MICAL3: variants seen among roughly 807,000 people sequenced by gnomAD.
MICAL3 encodes the protein [F-actin]-monooxygenase MICAL3.
In MICAL3, 62 loss-of-function variants were observed where a neutral mutation model predicts 207.4. That is an observed-to-expected ratio of 0.30 (90% CI 0.24 to 0.37). The LOEUF (loss-of-function observed/expected upper bound fraction) is 0.37, where lower values mean the gene tolerates loss of function less well. MICAL3 is among the 10% of genes least tolerant of loss of function. The pLI is 1.00. For missense variants in MICAL3, 2,368 were observed against 2,635.6 expected, an observed-to-expected ratio of 0.90 and a Z score of 2.22; for synonymous variants, 1,077 against 1,069.3, an observed-to-expected ratio of 1.01 and a Z score of -0.14.
chr22:17,917,471 C>T lies in MICAL3; in HGVS notation c.-74-10585G>A, dbSNP rs77572846. Among the ~76,000 whole-genome samples, 22 of 152,354 alleles carry T rather than the reference C, an allele frequency of 1.4e-4. No homozygotes were observed. In the East Asian group the frequency reaches 3.3e-3, roughly 23 times the overall value. ...AATACAGCCAAATCCAACCACTTCTCACCATGTCTTCTCTATCATCCTCAT... is the reference window on the plus strand; with the variant it reads ...AATACAGCCAAATCCAACCACTTCTTACCATGTCTTCTCTATCATCCTCAT... On this transcript the variant is annotated intron_variant, in intron 1 of 31. Transcript: ENST00000441493.
In MICAL3 at chr22:17,861,401, C is replaced by T. The variant is rs1467565358; in HGVS notation, c.2605+3498G>A. On this transcript the variant is annotated intron_variant, in intron 19 of 31. Transcript: ENST00000441493. The stretch of plus-strand genomic sequence containing the variant: ...ATGACAGGAAACTAACGTGCTTCTC[C>T]CCGTCCATCTCTGGCCGGTAATGAA... The T allele has an allele frequency of 1.3e-5, 13 of 985,338 alleles. No individual in the cohort carries two copies. The African/African-American group carries it at 2.1e-4, about 16-fold the overall frequency. 61.0% of individuals were successfully genotyped at this position (985,338 alleles called of 1,614,324 possible).
At chr22:17,917,815 G>C (rs1000069258) in intron 1 of MICAL3, among the ~76,000 whole-genome samples, 2 of 152,192 alleles carry the variant, frequency 1.3e-5, no homozygotes, top group African/African-American at 4.8e-5. Context: ...CACACCCAGG[G>C]AAGAAGGCCC....
chr22:18,022,039 G>A (rs1924513371), intron 1 of MICAL3, among the ~76,000 whole-genome samples: 1 of 152,170 alleles, frequency 6.6e-6, no homozygotes, highest in Non-Finnish European at 1.5e-5. Flanking sequence ...TCTAGTTTAT[G>A]TAAAATTTTA....
At position 17,942,527 on chromosome 22, in the gene MICAL3, A is replaced by G. The variant is rs1293439820; in HGVS notation, c.-74-35641T>C. ...ATGGGCATGAAGTGGCAATGATCAT[A>G]TGTAAAATCTAAGGAGAGTGGCTTT... On this transcript the variant is annotated intron_variant, in intron 1 of 31. Coordinates refer to ENST00000441493, the MANE Select transcript of MICAL3 (RefSeq NM_015241.3). Among the ~76,000 whole-genome samples the G allele has an allele frequency of 3.3e-5, 5 of 152,326 alleles. 1 individual carries two copies. Among genetic ancestry groups the G allele is most frequent in the Admixed American group, 2.0e-4 (3 of 15,306 alleles).
At chr22:17,798,626 AAATAATAAC>A (rs1231654056) in intron 29 of MICAL3, among the ~76,000 whole-genome samples, 1 of 152,026 alleles carries the variant, frequency 6.6e-6, no homozygotes, top group Non-Finnish European at 1.5e-5. Flanking sequence ...GTACCACTAT[AAATAATAAC>A]ATAAATATTA....
chr22:17,839,370 C>T (rs1392743086), intron 20 of MICAL3, among the ~76,000 whole-genome samples: 4 of 149,088 alleles, frequency 2.7e-5, no homozygotes, highest in African/African-American at 1.0e-4. Context: ...GATTCTCCTG[C>T]CTCAGCCTCC....
At chr22:17,800,499 A>T (rs938657762) in intron 29 of MICAL3, among the ~76,000 whole-genome samples, 11 of 152,194 alleles carry the variant, frequency 7.2e-5, no homozygotes, top group African/African-American at 2.7e-4. Flanking sequence ...TATGTGAGGA[A>T]GGGAAATCTT....
intron 1 of MICAL3, among the ~76,000 whole-genome samples, chr22:17,954,056 A>C (rs1374013013): frequency 1.3e-5 from 2 of 151,846 alleles, no homozygotes; most frequent in Admixed American, 6.6e-5. Context: ...TATGAAATAT[A>C]TGAGGTGAGA....
chr22:17,942,781 G>A (rs1022289472), intron 1 of MICAL3, among the ~76,000 whole-genome samples: 2 of 152,228 alleles, frequency 1.3e-5, no homozygotes, highest in African/African-American at 4.8e-5. Context: ...AGTTCAACCA[G>A]GGCAGTCCCA....
At chr22:17,927,608 C>T (rs745515061) in intron 1 of MICAL3, among the ~76,000 whole-genome samples, 2 of 152,204 alleles carry the variant, frequency 1.3e-5, no homozygotes, top group African/African-American at 2.4e-5. Flanking sequence ...CCGACATCTG[C>T]CTGCTGCTCC....
At chr22:17,937,490 G>A (rs187126890) in intron 1 of MICAL3, among the ~76,000 whole-genome samples, 10 of 152,044 alleles carry the variant, frequency 6.6e-5, no homozygotes, top group Admixed American at 2.0e-4. Flanking sequence ...ATGGAGAAAC[G>A]CCGTCTCTAC....
At chr22:17,810,224 G>GT (rs2062030748) in intron 28 of MICAL3, among the ~76,000 whole-genome samples, 1 of 151,802 alleles carries the variant, frequency 6.6e-6, no homozygotes, top group Non-Finnish European at 1.5e-5. Flanking sequence ...CACCACGCCT[G>GT]GCTAATTTTT....
At chr22:17,814,250 C>G (rs2062078786) in intron 27 of MICAL3, 1 of 152,228 alleles carries the variant, frequency 6.6e-6, no homozygotes, top group African/African-American at 2.4e-5. Context: ...ACAATGAACA[C>G]CCACATGCCT....
chr22:17,855,837 T>C (rs1925825288), intron 19 of MICAL3, among the ~76,000 whole-genome samples: 2 of 151,456 alleles, frequency 1.3e-5, no homozygotes, highest in African/African-American at 4.9e-5. Context: ...CTCACTGGCT[T>C]CTCCAGGGCA....
chr22:17,862,266 T>TC, intron 19 of MICAL3: 1 of 984,476 alleles, frequency 1.0e-6, no homozygotes, highest in African/African-American at 1.7e-5. Context: ...TTTCTTCTTT[T>TC]TTTTTTTTAG....
chr22:17,817,869 G>T lies in MICAL3; in HGVS notation c.4792C>A (p.Arg1598=), dbSNP rs868514291. The change falls in exon 26 of 32, where the codon CGA becomes AGA. Residue 1598 remains arginine (R), a synonymous_variant. Coordinates refer to ENST00000441493, the MANE Select transcript of MICAL3 (RefSeq NM_015241.3). ...EAKELAEERM[R]AREKSVKSQA... ...CTCTTCACGGACTTCTCCCTGGCTC[G>T]CATGCGCTCCTCGGCCAACTCCTTG... 4 of 1,612,304 alleles carry T rather than the reference G, an allele frequency of 2.5e-6. No homozygotes were observed. The South Asian group carries it at 4.4e-5, about 18-fold the overall frequency.
chr22:17,890,544 G>A (rs553012119), intron 12 of MICAL3, among the ~76,000 whole-genome samples: 1 of 152,282 alleles, frequency 6.6e-6, no homozygotes, highest in South Asian at 2.1e-4. Flanking sequence ...CTAAGTGACA[G>A]GAGCACCAGA....
intron 19 of MICAL3, among the ~76,000 whole-genome samples, chr22:17,857,632 A>G (rs1202099528): frequency 6.6e-6 from 1 of 152,236 alleles, no homozygotes; most frequent in African/African-American, 2.4e-5. Flanking sequence ...TACAGAAAGA[A>G]ATAGAGATAA....
intron 1 of MICAL3, among the ~76,000 whole-genome samples, chr22:17,992,701 CGGA>C (rs1400222627): frequency 1.3e-5 from 2 of 152,138 alleles, no homozygotes; most frequent in African/African-American, 4.8e-5. Context: ...TCACTAAACC[CGGA>C]GGCCGCCAAT....
Sources: allele counts gnomAD v4.1 joint callset (sites outside exome capture counted in the v4.1 genomes callset), GRCh38; gene constraint gnomAD v4.1.1; transcripts MANE v1.5; gene names NCBI Gene and HGNC (gene_info 2026-07-23, HGNC 2026-07-21).